GREB1L: variants seen among roughly 807,000 people sequenced by gnomAD.
The protein encoded by GREB1L is GREB1 like retinoic acid receptor coactivator, also known as GREB1-like protein.
A neutral mutation model predicts 200.8 loss-of-function variants in GREB1L; 17 were observed. The observed-to-expected ratio is 0.08, with a 90% confidence interval of 0.06 to 0.13. The LOEUF is 0.13. Among genes scored for constraint, GREB1L ranks in the 10% least tolerant of loss-of-function variants. The probability of loss-of-function intolerance (pLI) is 1.00; values close to 1 mark genes in which losing one functional copy is unlikely to be tolerated. For synonymous variants in GREB1L, 789 were observed against 893.0 expected (o/e 0.88, Z 2.08); for missense variants, 1,657 against 2,367.7 (o/e 0.70, Z 6.23).
Position 21,395,419 on chromosome 18 carries a change from A to T in GREB1L, c.390A>T (p.Val130=). Residue 130 remains valine (V), a synonymous_variant, in exon 5 of 33, where the codon GTA becomes GTT. Transcript: ENST00000424526. ...AAGCAGGAAAGGATTTGCGTTTGGT[A>T]TCACTGTGTATGGAACAAATTGACA... ...FCQAGKDLRL[V]SLCMEQIDIP... The T allele has an allele frequency of 6.4e-7, 1 of 1,550,552 alleles. No homozygotes were observed. Among genetic ancestry groups the T allele is most frequent in the South Asian group, 1.2e-5 (1 of 83,676 alleles).
chr18:21,350,358 C>A (rs1598683837), intron 1 of GREB1L, among the ~76,000 whole-genome samples: 1 of 151,562 alleles, frequency 6.6e-6, no homozygotes, highest in Non-Finnish European at 1.5e-5. Context: ...CTGCCTCAGC[C>A]TCCCGAGTAG....
At chr18:21,484,199 G>C (rs2036033897) in intron 17 of GREB1L, among the ~76,000 whole-genome samples, 1 of 139,884 alleles carries the variant, frequency 7.1e-6, no homozygotes, top group Non-Finnish European at 1.5e-5. Flanking sequence ...TTTTTGAGAT[G>C]GAGTTTCACT....
At chr18:21,303,118 A>G (rs2038645786) in intron 1 of GREB1L, among the ~76,000 whole-genome samples, 3 of 151,948 alleles carry the variant, frequency 2.0e-5, no homozygotes, top group Non-Finnish European at 2.9e-5. Flanking sequence ...CTGTCTCCCA[A>G]AGTGCTGGGA....
intron 1 of GREB1L, among the ~76,000 whole-genome samples, chr18:21,258,744 A>G (rs1418454274): frequency 6.6e-6 from 1 of 152,198 alleles, no homozygotes; most frequent in African/African-American, 2.4e-5. Flanking sequence ...ATTACACAAA[A>G]TGATGATGTG....
intron 1 of GREB1L, among the ~76,000 whole-genome samples, chr18:21,268,552 CACACACACATATAT>C (rs1233163967): frequency 2.0e-4 from 20 of 98,940 alleles, no homozygotes; most frequent in African/African-American, 1.1e-3. Flanking sequence ...CACACACACA[CACACACACATATAT>C]ATATATATAT....
chr18:21,245,107 G>A (rs2037574411), intron 1 of GREB1L, among the ~76,000 whole-genome samples: 2 of 152,148 alleles, frequency 1.3e-5, no homozygotes, highest in Non-Finnish European at 2.9e-5. Flanking sequence ...AGGAGTTAAG[G>A]AGTGATTGTA....
intron 1 of GREB1L, among the ~76,000 whole-genome samples, chr18:21,340,358 T>G (rs574310822): frequency 6.6e-6 from 1 of 151,662 alleles, no homozygotes; most frequent in Non-Finnish European, 1.5e-5. Context: ...AGGTGGAGCT[T>G]GCAGTGAGCT....
chr18:21,315,977 C>T (rs2038862102), intron 1 of GREB1L, among the ~76,000 whole-genome samples: 1 of 152,220 alleles, frequency 6.6e-6, no homozygotes, highest in Non-Finnish European at 1.5e-5. Flanking sequence ...GCACACAGTG[C>T]TGTGCAGTCT....
chr18:21,401,537 CT>C (rs1019043910), intron 6 of GREB1L, among the ~76,000 whole-genome samples: 46 of 152,270 alleles, frequency 3.0e-4, no homozygotes, highest in African/African-American at 1.1e-3. Flanking sequence ...GTGAATGTCT[CT>C]GTATTCGTCT....
At chr18:21,287,526 A>G (rs924563670) in intron 1 of GREB1L, among the ~76,000 whole-genome samples, 9 of 152,188 alleles carry the variant, frequency 5.9e-5, no homozygotes, top group African/African-American at 2.2e-4. Flanking sequence ...CTAAAAATGA[A>G]TTTTAATTTA....
intron 1 of GREB1L, among the ~76,000 whole-genome samples, chr18:21,329,746 A>T (rs1340385960): frequency 6.6e-6 from 1 of 152,108 alleles, no homozygotes; most frequent in Non-Finnish European, 1.5e-5. Flanking sequence ...TCCCCAAAAC[A>T]ACCCTCACAA....
intron 1 of GREB1L, among the ~76,000 whole-genome samples, chr18:21,305,534 G>A (rs934058159): frequency 3.3e-5 from 5 of 151,972 alleles, no homozygotes; most frequent in Non-Finnish European, 5.9e-5. Context: ...CAGCCTGTAC[G>A]CTTCTTCCCA....
intron 1 of GREB1L, among the ~76,000 whole-genome samples, chr18:21,319,329 G>A (rs1033259787): frequency 2.0e-5 from 3 of 152,186 alleles, no homozygotes; most frequent in African/African-American, 4.8e-5. Context: ...TCTTTCTTTC[G>A]GTTAACCAAC....
rs116695909 is a variant in GREB1L, at chr18:21,356,389, T to C, written c.-119-9638T>C. ...ACTTTCTGCTTCAATGAGTTTGACTTTTTAAGATTCCATATATAATTGAGA... is the reference window on the plus strand; with the variant it reads ...ACTTTCTGCTTCAATGAGTTTGACTCTTTAAGATTCCATATATAATTGAGA... On this transcript the variant is annotated intron_variant, in intron 1 of 32. Coordinates refer to ENST00000424526, the MANE Select transcript of GREB1L (RefSeq NM_001142966.3). Among the ~76,000 whole-genome samples, 372 of 152,332 alleles carry C rather than the reference T, an allele frequency of 2.4e-3. 1 individual carries two copies. The highest frequency in any genetic ancestry group is 8.5e-3 in the African/African-American group (355 of 41,576).
chr18:21,459,889 TC>T (rs1265843431), intron 15 of GREB1L, among the ~76,000 whole-genome samples: 2 of 152,100 alleles, frequency 1.3e-5, no homozygotes, highest in Non-Finnish European at 2.9e-5. Flanking sequence ...TGCATTGCTG[TC>T]CGGGGGATGG....
At chr18:21,343,467 A>G (rs569251384) in intron 1 of GREB1L, among the ~76,000 whole-genome samples, 113 of 152,312 alleles carry the variant, frequency 7.4e-4, no homozygotes, top group African/African-American at 2.5e-3. Flanking sequence ...GTTCTCAGGT[A>G]TGGTTTAAAG....
intron 15 of GREB1L, among the ~76,000 whole-genome samples, chr18:21,457,964 G>GTTTT (rs11414940): frequency 3.4e-5 from 4 of 117,844 alleles, no homozygotes; most frequent in South Asian, 2.9e-4. Flanking sequence ...AGCAAGGACA[G>GTTTT]TTTTTTTTTT....
chr18:21,278,614 G>A (rs2038216268), intron 1 of GREB1L, among the ~76,000 whole-genome samples: 1 of 151,884 alleles, frequency 6.6e-6, no homozygotes, highest in Non-Finnish European at 1.5e-5. Flanking sequence ...TCAGTACTTT[G>A]AAGTCAGAAT....
chr18:21,409,223 A>G (rs2030663626), intron 7 of GREB1L, among the ~76,000 whole-genome samples: 1 of 152,232 alleles, frequency 6.6e-6, no homozygotes, highest in Non-Finnish European at 1.5e-5. Context: ...GACATAAGCT[A>G]TGTCATGGGT....
Sources: allele counts gnomAD v4.1 joint callset (sites outside exome capture counted in the v4.1 genomes callset), GRCh38; gene constraint gnomAD v4.1.1; transcripts MANE v1.5; gene names NCBI Gene and HGNC (gene_info 2026-07-23, HGNC 2026-07-21).